The following AGBL4 variants were observed in gnomAD, a reference collection of about 807,000 sequenced individuals.
AGBL4 encodes the protein cytosolic carboxypeptidase 6.
A neutral mutation model predicts 66.4 loss-of-function variants in AGBL4; 58 were observed. The observed-to-expected ratio is 0.87, with a 90% CI of 0.71 to 1.09. AGBL4 has a LOEUF of 1.09. Ranked by LOEUF, AGBL4 falls within the 50% of genes least tolerant of loss-of-function variation. The pLI is 0.00. For synonymous variants in AGBL4, 234 were observed against 222.9 expected (o/e 1.05, Z -0.44); for missense variants, 579 against 631.0 (o/e 0.92, Z 0.88).
chr1:48,836,745 C>T lies in AGBL4; in HGVS notation c.634+30446G>A, dbSNP rs982209263. Among the ~76,000 whole-genome samples the T allele has an allele frequency of 7.9e-5, 12 of 152,062 alleles. No individual in the cohort carries two copies. In the East Asian group the frequency reaches 1.9e-3, roughly 24 times the overall value. On this transcript the variant is annotated intron_variant, in intron 6 of 13. Transcript: ENST00000371839. ...TGCCTTGTCTCATCTGACAAAACAA[C>T]CTTGTGAGATATGCCAGTTCATAGA...
At chr1:48,923,091 TA>T (rs201944438) in intron 5 of AGBL4, among the ~76,000 whole-genome samples, 4,845 of 150,390 alleles carry the variant, frequency 0.032, 247 homozygotes, top group African/African-American at 0.11. Flanking sequence ...AGAAAAAAAT[TA>T]AAAAAAATAT....
At chr1:49,886,951 G>C (rs1648098368) in intron 1 of AGBL4, among the ~76,000 whole-genome samples, 1 of 151,964 alleles carries the variant, frequency 6.6e-6, no homozygotes, top group Admixed American at 6.6e-5. Context: ...TCTCCAAATT[G>C]TGGCCTATCA....
chr1:49,556,555 C>T (rs940156192), intron 3 of AGBL4, among the ~76,000 whole-genome samples: 1 of 151,404 alleles, frequency 6.6e-6, no homozygotes, highest in African/African-American at 2.4e-5. Context: ...TTTAGCTAGA[C>T]ACAAAGTGCC....
intron 3 of AGBL4, among the ~76,000 whole-genome samples, chr1:49,499,614 C>A (rs1647944026): frequency 6.6e-6 from 1 of 151,626 alleles, no homozygotes; most frequent in South Asian, 2.1e-4. Context: ...CATATGATAT[C>A]TGGTTTTCCA....
At chr1:49,223,202 T>C (rs952487703) in intron 4 of AGBL4, among the ~76,000 whole-genome samples, 1 of 152,128 alleles carries the variant, frequency 6.6e-6, no homozygotes, top group Admixed American at 6.6e-5. Flanking sequence ...CCTTTAAGTT[T>C]AGGAATGAAG....
rs147772755 is a variant in AGBL4 at position 49,398,495 on chromosome 1, G to A, written c.283-152631C>T. ...GGCTTTTGTGGTTCTCTAGCTTGTA[G>A]ACAGCACATGGTGGGACTTCTGGCC... On this transcript the variant is annotated intron_variant, in intron 3 of 13. Coordinates refer to ENST00000371839, the MANE Select transcript of AGBL4 (RefSeq NM_032785.4). 3.8e-3 allele frequency among the ~76,000 whole-genome samples: 581 copies of A among 152,178 alleles called. 2 individuals are homozygous for A. The highest frequency in any genetic ancestry group is 5.2e-3 in the Non-Finnish European group (352 of 68,000).
At chr1:48,627,735 T>A (rs1413450706) in intron 9 of AGBL4, among the ~76,000 whole-genome samples, 1 of 152,146 alleles carries the variant, frequency 6.6e-6, no homozygotes, top group Admixed American at 6.6e-5. Context: ...AGGCAGCAGC[T>A]GAGGAGGGCC....
At chr1:49,593,057 C>A (rs1644781978) in intron 3 of AGBL4, among the ~76,000 whole-genome samples, 1 of 152,166 alleles carries the variant, frequency 6.6e-6, no homozygotes, top group South Asian at 2.1e-4. Context: ...TATACTTGCA[C>A]ATGCGTAAAA....
At chr1:48,524,065 G>A in the AGBL4 span, among the ~76,000 whole-genome samples, 1 of 152,262 alleles carries the variant, frequency 6.6e-6, no homozygotes, top group South Asian at 2.1e-4. Context: ...ATTGTGAGGT[G>A]GTGTGTGACT....
chr1:49,390,081 A>G (rs1361167261), intron 3 of AGBL4, among the ~76,000 whole-genome samples: 8 of 152,146 alleles, frequency 5.3e-5, no homozygotes, highest in Non-Finnish European at 1.0e-4. Context: ...TCACTTCTGA[A>G]TGGTTTGTGA....
intron 4 of AGBL4, among the ~76,000 whole-genome samples, chr1:49,193,677 G>A (rs899688499): frequency 5.3e-5 from 8 of 151,458 alleles, no homozygotes; most frequent in African/African-American, 9.7e-5. Context: ...ACAGGTGCCC[G>A]CCACCGTGCC....
intron 3 of AGBL4, among the ~76,000 whole-genome samples, chr1:49,316,513 C>T (rs967258904): frequency 6.6e-6 from 1 of 151,554 alleles, no homozygotes; most frequent in African/African-American, 2.4e-5. Context: ...AGAGCATGAA[C>T]GAGAGTTGCA....
intron 4 of AGBL4, among the ~76,000 whole-genome samples, chr1:49,201,419 G>A (rs1323037170): frequency 6.6e-6 from 1 of 152,230 alleles, no homozygotes; most frequent in South Asian, 2.1e-4. Flanking sequence ...AAAAATGACA[G>A]TGTTAGGATT....
intron 1 of AGBL4, among the ~76,000 whole-genome samples, chr1:49,879,433 T>C (rs1176250498): frequency 2.7e-5 from 4 of 148,812 alleles, no homozygotes. Flanking sequence ...TTAGTTTGGC[T>C]GGATATGAAA....
At chr1:49,920,727 C>A (rs1464236309) in intron 1 of AGBL4, among the ~76,000 whole-genome samples, 5 of 152,122 alleles carry the variant, frequency 3.3e-5, no homozygotes, top group Admixed American at 3.3e-4. Flanking sequence ...TTGACCCAGC[C>A]ATCCCATTAC....
chr1:48,878,122 T>C (rs1258355017), intron 5 of AGBL4, among the ~76,000 whole-genome samples: 1 of 152,178 alleles, frequency 6.6e-6, no homozygotes, highest in Non-Finnish European at 1.5e-5. Flanking sequence ...TTTGAGAGTA[T>C]CAAGGTCAGT....
intron 4 of AGBL4, among the ~76,000 whole-genome samples, chr1:49,221,968 G>C (rs1353705370): frequency 6.6e-6 from 1 of 151,976 alleles, no homozygotes; most frequent in African/African-American, 2.4e-5. Context: ...TCTGGTTCAG[G>C]GTTAGCAGGC....
intron 9 of AGBL4, among the ~76,000 whole-genome samples, chr1:48,597,276 A>C (rs946327124): frequency 1.3e-5 from 2 of 152,190 alleles, no homozygotes; most frequent in African/African-American, 2.4e-5. Context: ...CTGTGAACCT[A>C]CTATGTTCCT....
chr1:49,346,986 A>C (rs566990820), intron 3 of AGBL4, among the ~76,000 whole-genome samples: 1 of 152,346 alleles, frequency 6.6e-6, no homozygotes, highest in South Asian at 2.1e-4. Context: ...TAAGAGACCC[A>C]GGAAATATCC....
Sources: gnomAD v4.1 joint callset for allele counts (sites outside exome capture counted in the v4.1 genomes callset) on GRCh38, gnomAD v4.1.1 for gene constraint, MANE v1.5 for transcripts, NCBI Gene and HGNC (gene_info 2026-07-23, HGNC 2026-07-21) for gene names.